The following CDH4 variants were observed in gnomAD, a reference collection of about 807,000 sequenced individuals.
CDH4 encodes cadherin-4.
In CDH4, 33 loss-of-function variants were observed where a neutral mutation model predicts 86.0. That is an observed-to-expected ratio of 0.38 (90% confidence interval 0.29 to 0.51). The LOEUF is 0.51. Ranked by LOEUF, CDH4 falls within the 20% of genes least tolerant of loss-of-function variation. The pLI is 0.86. For missense variants in CDH4, 1,114 were observed against 1,307.4 expected, an observed-to-expected ratio of 0.85 and a Z score of 2.28; for synonymous variants, 555 against 549.4, an observed-to-expected ratio of 1.01 and a Z score of -0.14.
At chr20:61,303,576 C>A (rs1465213014) in intron 2 of CDH4, among the ~76,000 whole-genome samples, 1 of 152,248 alleles carries the variant, frequency 6.6e-6, no homozygotes, top group Admixed American at 6.5e-5. Flanking sequence ...TCCAGGTGGG[C>A]CCCCAACTGG....
chr20:61,597,254 A>C (rs1288221491), intron 2 of CDH4, among the ~76,000 whole-genome samples: 2 of 152,248 alleles, frequency 1.3e-5, no homozygotes, highest in Non-Finnish European at 2.9e-5. Context: ...CCCGATCTAC[A>C]GACTGAGAAC....
chr20:61,690,084 G>GA (rs2087636585), intron 2 of CDH4, among the ~76,000 whole-genome samples: 6 of 148,176 alleles, frequency 4.0e-5, no homozygotes, highest in African/African-American at 1.6e-4. Context: ...AGGTGATGTG[G>GA]ATTCTGACAG....
At chr20:61,541,901 A>G (rs2086042288) in intron 2 of CDH4, among the ~76,000 whole-genome samples, 1 of 152,004 alleles carries the variant, frequency 6.6e-6, no homozygotes, top group Non-Finnish European at 1.5e-5. Flanking sequence ...CCCTCAGGGC[A>G]CCTGGCAGGA....
At chr20:61,772,629 G>A (rs2145985775) in intron 3 of CDH4, among the ~76,000 whole-genome samples, 1 of 152,242 alleles carries the variant, frequency 6.6e-6, no homozygotes, top group African/African-American at 2.4e-5. Context: ...TCATAAACAG[G>A]AGTTTTGTGG....
chr20:61,322,375 C>T (rs2084513610), intron 2 of CDH4, among the ~76,000 whole-genome samples: 1 of 152,222 alleles, frequency 6.6e-6, no homozygotes, highest in African/African-American at 2.4e-5. Flanking sequence ...CATCAGGATC[C>T]GCAGCCCACA....
intron 2 of CDH4, among the ~76,000 whole-genome samples, chr20:61,267,898 C>T (rs1463566885): frequency 6.6e-6 from 1 of 152,198 alleles, no homozygotes; most frequent in Non-Finnish European, 1.5e-5. Context: ...CCTGTGTTTC[C>T]AGCAGCTGTG....
intron 2 of CDH4, among the ~76,000 whole-genome samples, chr20:61,469,592 T>G (rs1012350253): frequency 6.6e-6 from 1 of 152,222 alleles, no homozygotes; most frequent in African/African-American, 2.4e-5. Flanking sequence ...ATTTTTGCTT[T>G]AGTTGCCTGT....
chr20:61,481,247 T>A (rs2085566586), intron 2 of CDH4, among the ~76,000 whole-genome samples: 1 of 152,160 alleles, frequency 6.6e-6, no homozygotes. Flanking sequence ...CTTTTGGAAT[T>A]GAGGGACGGA....
At chr20:61,313,909 G>A (rs1426904934) in intron 2 of CDH4, among the ~76,000 whole-genome samples, 1 of 151,996 alleles carries the variant, frequency 6.6e-6, no homozygotes, top group African/African-American at 2.4e-5. Context: ...GCTAATTTTT[G>A]TTTTTTGTAG....
intron 2 of CDH4, among the ~76,000 whole-genome samples, chr20:61,669,000 C>A (rs1297398427): frequency 6.6e-6 from 1 of 152,214 alleles, no homozygotes; most frequent in Non-Finnish European, 1.5e-5. Context: ...TCCAGGAGGA[C>A]CCCTGTCCAG....
At chr20:61,341,096 C>T (rs1356148731) in intron 2 of CDH4, among the ~76,000 whole-genome samples, 1 of 152,188 alleles carries the variant, frequency 6.6e-6, no homozygotes, top group African/African-American at 2.4e-5. Flanking sequence ...ACGATCCTGG[C>T]CTTCACCGTA....
At chr20:61,616,548 C>T (rs1300806026) in intron 2 of CDH4, among the ~76,000 whole-genome samples, 1 of 152,210 alleles carries the variant, frequency 6.6e-6, no homozygotes, top group Non-Finnish European at 1.5e-5. Flanking sequence ...GAACTCTCTC[C>T]TGCTCCAGGG....
chr20:61,746,470 T>G (rs1202647336), intron 3 of CDH4, among the ~76,000 whole-genome samples: 2 of 152,112 alleles, frequency 1.3e-5, no homozygotes, highest in African/African-American at 4.8e-5. Flanking sequence ...TGTTACATCA[T>G]GGATGAGGGT....
chr20:61,262,294 T>C (rs777317734), intron 2 of CDH4, among the ~76,000 whole-genome samples: 6 of 152,150 alleles, frequency 3.9e-5, no homozygotes, highest in Non-Finnish European at 7.3e-5. Context: ...GGGTCCTGGG[T>C]GTCTGCAGAG....
At chr20:61,912,665 C>G (rs1487900080) in intron 9 of CDH4, among the ~76,000 whole-genome samples, 2 of 152,176 alleles carry the variant, frequency 1.3e-5, no homozygotes, top group East Asian at 3.8e-4. Context: ...TCAAGAGAGG[C>G]TATTTTTTCA....
At chr20:61,570,329 T>C (rs1399274166) in intron 2 of CDH4, 3 of 255,506 alleles carry the variant, frequency 1.2e-5, no homozygotes, top group African/African-American at 2.2e-5. Context: ...CTTGTGAGGC[T>C]GGTGAAGAGT....
At chr20:61,655,924 G>T (rs556931061) in intron 2 of CDH4, among the ~76,000 whole-genome samples, 1 of 152,212 alleles carries the variant, frequency 6.6e-6, no homozygotes, top group Non-Finnish European at 1.5e-5. Flanking sequence ...TGGAGAGGAC[G>T]TGGTTCTGAA....
At chr20:61,874,976 C>T (rs1003902155) in intron 7 of CDH4, among the ~76,000 whole-genome samples, 1 of 152,202 alleles carries the variant, frequency 6.6e-6, no homozygotes, top group Non-Finnish European at 1.5e-5. Flanking sequence ...GAGTGCGTCA[C>T]GGCCCTCGAG....
rs1259976556 is a variant in CDH4, at chr20:61,478,494, CAT to C, written c.169+223558_169+223559del. Among the ~76,000 whole-genome samples the C allele has an allele frequency of 3.9e-5, 6 of 152,304 alleles. No homozygotes were observed. In the East Asian group the frequency reaches 7.7e-4, roughly 20 times the overall value. On this transcript the variant is annotated intron_variant, in intron 2 of 15. Coordinates refer to ENST00000614565, the MANE Select transcript of CDH4 (RefSeq NM_001794.5). Reference sequence around the variant, plus strand: ...TCTGCTTGTCTTCCAACAGAGAACACATGTGTGTCCAGTGTAGCACATCTGTG... The same window carrying C: ...TCTGCTTGTCTTCCAACAGAGAACACGTGTGTCCAGTGTAGCACATCTGTG...
Sources: allele counts gnomAD v4.1 joint callset (sites outside exome capture counted in the v4.1 genomes callset), GRCh38; gene constraint gnomAD v4.1.1; transcripts MANE v1.5; gene names NCBI Gene and HGNC (gene_info 2026-07-23, HGNC 2026-07-21).